ZNF132: variants seen among roughly 807,000 people sequenced by gnomAD.
ZNF132 encodes the protein zinc finger protein 132.
A neutral mutation model predicts 9.3 loss-of-function variants in ZNF132; 6 were observed. That is an observed-to-expected ratio of 0.65 (90% CI 0.35 to 1.28). The LOEUF (loss-of-function observed/expected upper bound fraction) is 1.28, where lower values mean the gene tolerates loss of function less well. ZNF132 is among the 50% of genes most tolerant of loss of function. The probability of loss-of-function intolerance (pLI) is 0.03; values close to 1 mark genes in which losing one functional copy is unlikely to be tolerated. For missense variants in ZNF132, 877 were observed against 843.2 expected (o/e 1.04, Z -0.50); for synonymous variants, 296 against 292.0 (o/e 1.01, Z -0.14).
rs768683379 is a variant in ZNF132, at chr19:58,439,873, G to A, written c.-52C>T. The stretch of plus-strand genomic sequence containing the variant: ...CGCTGGGCCGAACCCTCACACTTCC[G>A]CTGGGTGACGGTCGCACTCAGGACC... On this transcript the variant is annotated 5_prime_UTR_variant, in exon 1 of 3. Transcript: ENST00000254166. The A allele has an allele frequency of 4.6e-6, 7 of 1,520,870 alleles. No individual in the cohort carries two copies. In the African/African-American group the frequency reaches 8.4e-5, roughly 18 times the overall value. 94.2% of individuals were successfully genotyped at this position (1,520,870 alleles called of 1,614,324 possible).
intron 1 of ZNF132, 39 bp from the exon 2 acceptor site, chr19:58,437,254 C>T: frequency 1.3e-6 from 2 of 1,548,538 alleles, no homozygotes; most frequent in Non-Finnish European, 1.7e-6. Flanking sequence ...TGGAAATATG[C>T]AGGACCTTGC....
At chr19:58,437,670 C>T (rs1166762528) in intron 1 of ZNF132, 20 of 974,448 alleles carry the variant, frequency 2.1e-5, no homozygotes, top group Non-Finnish European at 2.3e-5. Context: ...TTTCCAACCC[C>T]TCCCTGTTCA....
chr19:58,433,501 ACT>A lies in ZNF132; in HGVS notation c.1941_1942del (p.Arg647SerfsTer9), dbSNP rs2052754309. The A allele has an allele frequency of 6.2e-7, 1 of 1,613,770 alleles. No homozygotes were observed. The highest frequency in any genetic ancestry group is 8.5e-7 in the Non-Finnish European group (1 of 1,179,908). Reference sequence around the variant, plus strand: ...CTCATAGGGCCTTTCTTGTGTGTGAACTCTCTGATGACGAACCAGGTGGGAGT... The same window carrying A: ...CTCATAGGGCCTTTCTTGTGTGTGAACTCTGATGACGAACCAGGTGGGAGT... On this transcript the variant is annotated frameshift_variant, in exon 3 of 3. Coordinates refer to ENST00000254166, the MANE Select transcript of ZNF132 (RefSeq NM_003433.4). LOFTEE classifies it low-confidence loss of function (END_TRUNC).
Position 58,433,082 on chromosome 19 carries a change from C to T in ZNF132, c.*241G>A. On this transcript the variant is annotated 3_prime_UTR_variant, in exon 3 of 3. Coordinates refer to ENST00000254166, the MANE Select transcript of ZNF132 (RefSeq NM_003433.4). Reference sequence around the variant, plus strand: ...GTACTGTTTTCCCCATGCATGAGGACAGGACTGCTGCAAATTTTTGGATCC... The same window carrying T: ...GTACTGTTTTCCCCATGCATGAGGATAGGACTGCTGCAAATTTTTGGATCC... 2.1e-6 allele frequency: 1 copy of T among 477,754 alleles called. No individual in the cohort carries two copies. Among genetic ancestry groups the T allele is most frequent in the South Asian group, 2.5e-5 (1 of 39,528 alleles). The allele number at this position is 477,754 out of a possible 1,614,324, so 29.6% of individuals were successfully genotyped here. A position where few individuals can be genotyped will look rare whatever the true frequency, so the allele number is the denominator to read the frequency against.
In ZNF132 at chr19:58,437,274, C is replaced by T. The variant is rs1043632356; in HGVS notation, c.64-59G>A. 12 of 1,517,826 alleles carry T rather than the reference C, an allele frequency of 7.9e-6. No individual in the cohort carries two copies. The Admixed American group carries it at 2.2e-4, about 27-fold the overall frequency. The allele number at this position is 1,517,826 out of a possible 1,614,324, so 94.0% of individuals were successfully genotyped here. ...ATATGCAGGACCTTGCTGTGTGACT[C>T]AGAATCCTGATACATCTACCACTAA... is the stretch of plus-strand genomic sequence containing the variant. On this transcript the variant is annotated intron_variant, in intron 1 of 2. Transcript: ENST00000254166.
intron 1 of ZNF132, among the ~76,000 whole-genome samples, chr19:58,437,945 C>G (rs1446971228): frequency 6.6e-6 from 1 of 152,174 alleles, no homozygotes; most frequent in Admixed American, 6.5e-5. Context: ...TCATAGCTGT[C>G]CTTGCTCTTC....
intron 2 of ZNF132, chr19:58,436,833 G>C: frequency 2.8e-6 from 2 of 708,838 alleles, no homozygotes; most frequent in South Asian, 3.0e-5. Flanking sequence ...CCTCCACAAG[G>C]CTCCTGGGCA....
rs2052781330 is a variant in ZNF132, at chr19:58,437,784, C to T, written c.64-569G>A. ...AAGCCAGCTACAGAGCTCCAAAAACCCCACTGCAAGAGGCAGTCATAGCCC... is the reference window on the plus strand; with the variant it reads ...AAGCCAGCTACAGAGCTCCAAAAACTCCACTGCAAGAGGCAGTCATAGCCC... On this transcript the variant is annotated intron_variant, in intron 1 of 2. Transcript: ENST00000254166. The T allele has an allele frequency of 5.1e-6, 5 of 985,342 alleles. No homozygotes were observed. The South Asian group carries it at 1.9e-4, about 37-fold the overall frequency. The allele number at this position is 985,342 out of a possible 1,614,324, so 61.0% of individuals were successfully genotyped here. A position where few individuals can be genotyped will look rare whatever the true frequency, so the allele number is the denominator to read the frequency against.
At position 58,440,125 on chromosome 19, in the gene ZNF132, C is replaced by G. The variant is rs908702187; in HGVS notation, c.-304G>C. ...GCTCCAGAGGCCTGCTGTAGCCCAA[C>G]CCACCAGCAGCAAAATGAGGACCGC... is the stretch of plus-strand genomic sequence containing the variant. On this transcript the variant is annotated 5_prime_UTR_variant, in exon 1 of 3. Coordinates refer to ENST00000254166, the MANE Select transcript of ZNF132 (RefSeq NM_003433.4). The G allele has an allele frequency of 2.3e-6, 1 of 425,970 alleles. No individual in the cohort carries two copies. The highest frequency in any genetic ancestry group is 4.2e-6 in the Non-Finnish European group (1 of 239,302). 26.4% of individuals were successfully genotyped at this position (425,970 alleles called of 1,614,324 possible).
intron 1 of ZNF132, chr19:58,437,694 C>A (rs1207096222): frequency 1.0e-6 from 1 of 984,844 alleles, no homozygotes; most frequent in Non-Finnish European, 1.2e-6. Flanking sequence ...TGTAGGCATT[C>A]TCCCTAGCAT....
intron 1 of ZNF132, among the ~76,000 whole-genome samples, chr19:58,439,170 C>T (rs1218241499): frequency 6.6e-6 from 1 of 152,194 alleles, no homozygotes; most frequent in East Asian, 1.9e-4. Flanking sequence ...ATCTGTCCTA[C>T]CTCCACGGGC....
chr19:58,440,028 A>G lies in ZNF132; in HGVS notation c.-207T>C. 1 of 573,616 alleles carries G rather than the reference A, an allele frequency of 1.7e-6. No individual in the cohort carries two copies. Among genetic ancestry groups the G allele is most frequent in the Non-Finnish European group, 3.0e-6 (1 of 332,380 alleles). 35.5% of individuals were successfully genotyped at this position (573,616 alleles called of 1,614,324 possible). A position where few individuals can be genotyped will look rare whatever the true frequency, so the allele number is the denominator to read the frequency against. On this transcript the variant is annotated 5_prime_UTR_variant, in exon 1 of 3. Transcript: ENST00000254166. ...ACACCTTGGCTCATAAAAGCAGAGT[A>G]ATTAGCCGGGCACTATGGTGCGTGT...
chr19:58,434,399 A>T lies in ZNF132; in HGVS notation c.1045T>A (p.Cys349Ser), dbSNP rs368159223. 24 of 1,614,120 alleles carry T rather than the reference A, an allele frequency of 1.5e-5. No individual in the cohort carries two copies. The African/African-American group carries it at 2.8e-4, about 19-fold the overall frequency. ...CTGAAGGCTTTCCCACATTCATCAC[A>T]CTCATAAGGTCTTTCTCCTGAGTGA... The part of the protein sequence containing the change: ...RIHSGERPYE[C>S]DECGKAFSNR... The change falls in exon 3 of 3, where the codon TGT (cysteine) becomes AGT (serine). Residue 349 changes from cysteine (C) to serine (S), a missense_variant. Cys to Ser is a moderately radical substitution (Grantham distance 112, BLOSUM62 -1). Coordinates refer to ENST00000254166, the MANE Select transcript of ZNF132 (RefSeq NM_003433.4).
At position 58,435,077 on chromosome 19, in the gene ZNF132, AG is replaced by A; in HGVS notation, c.366del (p.Leu123Ter). 6.2e-7 allele frequency: 1 copy of A among 1,614,138 alleles called. No homozygotes were observed. Among genetic ancestry groups the A allele is most frequent in the Non-Finnish European group, 8.5e-7 (1 of 1,180,008 alleles). ...TCAGCCAGGTGCAAAATGTCTTTCA[AG>A]AATGGCCCACACATGTCACAGGAGT... is the stretch of plus-strand genomic sequence containing the variant. ...KANSCDMCGP[F>X]LKDILHLAEH... On this transcript the variant is annotated frameshift_variant, in exon 3 of 3. Transcript: ENST00000254166. LOFTEE classifies it low-confidence loss of function (END_TRUNC).
Position 58,439,849 on chromosome 19 carries a change from G to A in ZNF132, c.-28C>T, listed in dbSNP as rs199517365. 5 of 1,532,408 alleles carry A rather than the reference G, an allele frequency of 3.3e-6. No homozygotes were observed. The highest frequency in any genetic ancestry group is 4.4e-6 in the Non-Finnish European group (5 of 1,139,014). 94.9% of individuals were successfully genotyped at this position (1,532,408 alleles called of 1,614,324 possible). On this transcript the variant is annotated 5_prime_UTR_variant, in exon 1 of 3. Coordinates refer to ENST00000254166, the MANE Select transcript of ZNF132 (RefSeq NM_003433.4). ...CAGGAGGCCCAGGGCTAGCCCTGCC[G>A]CTGGGCCGAACCCTCACACTTCCGC...
chr19:58,432,999 A>T lies in ZNF132; in HGVS notation c.*324T>A. The T allele has an allele frequency of 4.8e-6, 1 of 209,060 alleles. No individual in the cohort carries two copies. Among genetic ancestry groups the T allele is most frequent in the East Asian group, 6.3e-5 (1 of 15,940 alleles). 13.0% of individuals were successfully genotyped at this position (209,060 alleles called of 1,614,324 possible). The stretch of plus-strand genomic sequence containing the variant: ...TTTCCCTCAAGGCCCCTCAACCAGC[A>T]TCGGTTCAGCTGAGCACAGTCCTGA... On this transcript the variant is annotated 3_prime_UTR_variant, in exon 3 of 3. Transcript: ENST00000254166.
chr19:58,433,674 C>T lies in ZNF132; in HGVS notation c.1770G>A (p.Gln590=), dbSNP rs768465734. The part of the protein sequence containing the change: ...FSQNSILIKH[Q]KVHTGEKPYK... ...AAGGCTTTTCTCCAGTATGAACTTT[C>T]TGATGCTTAATGAGAATGGAGTTTT... The change falls in exon 3 of 3, where the codon CAG becomes CAA. Residue 590 remains glutamine, a synonymous_variant. Coordinates refer to ENST00000254166, the MANE Select transcript of ZNF132 (RefSeq NM_003433.4). 77 of 1,614,038 alleles carry T rather than the reference C, an allele frequency of 4.8e-5. No homozygotes were observed. Among genetic ancestry groups the T allele is most frequent in the Admixed American group, 1.7e-4 (10 of 60,006 alleles).
chr19:58,439,021 G>A lies in ZNF132; in HGVS notation c.63+738C>T, dbSNP rs143805191. On this transcript the variant is annotated intron_variant, in intron 1 of 2. Transcript: ENST00000254166. The stretch of plus-strand genomic sequence containing the variant: ...ACTCCTGACCTCAAGTGATCTGGCC[G>A]CCTTGGCCTCCCAAAGTGCTGGGAT... Among the ~76,000 whole-genome samples, 261 of 152,150 alleles carry A rather than the reference G, an allele frequency of 1.7e-3. 1 individual carries two copies. Among genetic ancestry groups the A allele is most frequent in the Non-Finnish European group, 3.0e-3 (206 of 67,982 alleles).
chr19:58,439,713 G>A, intron 1 of ZNF132, 46 bp downstream of exon 1: 1 of 1,489,920 alleles, frequency 6.7e-7, no homozygotes, highest in Non-Finnish European at 8.9e-7. Flanking sequence ...AGGATCCTGA[G>A]GGCCGGAATC....
Sources: allele counts gnomAD v4.1 joint callset (sites outside exome capture counted in the v4.1 genomes callset), GRCh38; gene constraint gnomAD v4.1.1; transcripts MANE v1.5; gene names NCBI Gene and HGNC (gene_info 2026-07-23, HGNC 2026-07-21).